NOL4: variants seen among roughly 807,000 people sequenced by gnomAD.
NOL4 encodes cancer/testis antigen 125.
A neutral mutation model predicts 75.9 loss-of-function variants in NOL4; 17 were observed. The ratio of observed to expected loss-of-function variants is 0.22; its 90% CI spans 0.15 to 0.34. The LOEUF (loss-of-function observed/expected upper bound fraction) is 0.34, where lower values mean the gene tolerates loss of function less well. Ranked by LOEUF, NOL4 falls within the 10% of genes least tolerant of loss-of-function variation. The pLI is 1.00. For synonymous variants in NOL4, 292 were observed against 289.9 expected (o/e 1.01, Z -0.07); for missense variants, 614 against 793.5 (o/e 0.77, Z 2.72).
chr18:34,091,547 T>C (rs1254965336), intron 5 of NOL4, among the ~76,000 whole-genome samples: 1 of 152,060 alleles, frequency 6.6e-6, no homozygotes, highest in Non-Finnish European at 1.5e-5. Flanking sequence ...GATCTTGGAC[T>C]CCCAGATCTT....
intron 6 of NOL4, among the ~76,000 whole-genome samples, chr18:34,004,189 A>G (rs1568200756): frequency 6.6e-6 from 1 of 152,004 alleles, no homozygotes; most frequent in African/African-American, 2.4e-5. Flanking sequence ...CCTTCCAGTT[A>G]TCCCACATTT....
chr18:34,089,162 C>T (rs989783087), intron 5 of NOL4, among the ~76,000 whole-genome samples: 9 of 151,748 alleles, frequency 5.9e-5, no homozygotes, highest in Admixed American at 5.3e-4. Flanking sequence ...ATATGGTACC[C>T]AATAAGGACA....
At chr18:34,214,456 C>A (rs1215013283) in intron 1 of NOL4, among the ~76,000 whole-genome samples, 1 of 152,128 alleles carries the variant, frequency 6.6e-6, no homozygotes, top group African/African-American at 2.4e-5. Flanking sequence ...GCCTTAGAAT[C>A]CAAATGGTTT....
At chr18:34,026,774 T>C (rs1289405422) in intron 5 of NOL4, among the ~76,000 whole-genome samples, 3 of 152,180 alleles carry the variant, frequency 2.0e-5, no homozygotes, top group Admixed American at 6.5e-5. Context: ...CTCTCTTGCA[T>C]TGAAATTAAT....
chr18:33,894,948 C>T (rs995405401), intron 9 of NOL4, among the ~76,000 whole-genome samples: 7 of 151,908 alleles, frequency 4.6e-5, no homozygotes, highest in South Asian at 2.1e-4. Flanking sequence ...ATATATACTT[C>T]GTAATAACTC....
At chr18:34,175,582 T>C (rs969291693) in intron 1 of NOL4, among the ~76,000 whole-genome samples, 7 of 152,220 alleles carry the variant, frequency 4.6e-5, no homozygotes, top group Admixed American at 2.0e-4. Flanking sequence ...CTTAAGGCAC[T>C]GTACAAGCAA....
intron 9 of NOL4, among the ~76,000 whole-genome samples, chr18:33,919,886 T>A (rs959151148): frequency 6.6e-6 from 1 of 152,194 alleles, no homozygotes; most frequent in African/African-American, 2.4e-5. Flanking sequence ...GAAAAATGAT[T>A]AAGAGCATTT....
chr18:34,160,898 G>A (rs1050817098), intron 1 of NOL4, among the ~76,000 whole-genome samples: 1 of 152,202 alleles, frequency 6.6e-6, no homozygotes. Flanking sequence ...CCTGCAGTAC[G>A]ATAAAACATT....
At chr18:34,089,864 T>A (rs2145501676) in intron 5 of NOL4, among the ~76,000 whole-genome samples, 1 of 152,234 alleles carries the variant, frequency 6.6e-6, no homozygotes, top group Non-Finnish European at 1.5e-5. Flanking sequence ...CAACACTGAG[T>A]TTGATATACA....
At chr18:34,082,043 C>T (rs191287540) in intron 5 of NOL4, among the ~76,000 whole-genome samples, 2 of 152,076 alleles carry the variant, frequency 1.3e-5, no homozygotes, top group East Asian at 3.9e-4. Flanking sequence ...AAAACATCTA[C>T]AAGTGGTTAT....
chr18:34,179,092 T>C (rs1323613658), intron 1 of NOL4, among the ~76,000 whole-genome samples: 2 of 151,478 alleles, frequency 1.3e-5, no homozygotes, highest in East Asian at 1.9e-4. Flanking sequence ...TCAAAACTAA[T>C]GAGTCAAAGA....
In NOL4 at chr18:33,851,781, G is replaced by A. The variant is rs915339594; in HGVS notation, c.*1061C>T. The A allele has an allele frequency of 6.6e-6, 1 of 152,466 alleles. No individual in the cohort carries two copies. The highest frequency in any genetic ancestry group is 2.4e-5 in the African/African-American group (1 of 41,426). 9.4% of individuals were successfully genotyped at this position (152,466 alleles called of 1,614,324 possible). ...CTGAGAGTTCCTTACATTATTTTTA[G>A]CTAGAACTGAAAATTATACAAATCA... On this transcript the variant is annotated 3_prime_UTR_variant, in exon 11 of 11. Coordinates refer to ENST00000261592, the MANE Select transcript of NOL4 (RefSeq NM_003787.5).
intron 5 of NOL4, among the ~76,000 whole-genome samples, chr18:34,043,660 C>A (rs934083019): frequency 2.6e-5 from 4 of 151,950 alleles, no homozygotes; most frequent in Non-Finnish European, 4.4e-5. Context: ...AAATCTGGGA[C>A]ATAATAGTAA....
intron 6 of NOL4, among the ~76,000 whole-genome samples, chr18:34,013,274 A>G (rs2074482803): frequency 6.6e-6 from 1 of 151,810 alleles, no homozygotes; most frequent in Non-Finnish European, 1.5e-5. Context: ...TTAATTTTCT[A>G]TATATTTCTT....
Position 34,104,179 on chromosome 18 carries a change from A to G in NOL4, c.527-20T>C, listed in dbSNP as rs781372695. On this transcript the variant is annotated intron_variant, in intron 3 of 10. Transcript: ENST00000261592. ...CATTATCTGTAATAAAACATTTTTA[A>G]TGGGTAATGAAAGTAATACTGCATT... 1.4e-6 allele frequency: 2 copies of G among 1,413,654 alleles called. No homozygotes were observed. The highest frequency in any genetic ancestry group is 1.4e-5 in the African/African-American group (1 of 70,984). The allele number at this position is 1,413,654 out of a possible 1,614,324, so 87.6% of individuals were successfully genotyped here.
chr18:34,155,117 G>A (rs537672694), intron 1 of NOL4, among the ~76,000 whole-genome samples: 28 of 151,332 alleles, frequency 1.9e-4, no homozygotes, highest in Non-Finnish European at 3.0e-4. Context: ...TCCATACTTC[G>A]AAAAAATAAA....
intron 8 of NOL4, among the ~76,000 whole-genome samples, chr18:33,955,909 T>C (rs895193725): frequency 6.6e-6 from 1 of 152,108 alleles, no homozygotes; most frequent in African/African-American, 2.4e-5. Flanking sequence ...TTTAACTAGG[T>C]ACAGTGGCAA....
chr18:34,216,886 T>G (rs973877847), intron 1 of NOL4, among the ~76,000 whole-genome samples: 2 of 152,068 alleles, frequency 1.3e-5, no homozygotes, highest in Non-Finnish European at 2.9e-5. Flanking sequence ...TCATTAAATT[T>G]TATGTATTTC....
At chr18:34,008,054 T>C (rs1192253869) in intron 6 of NOL4, among the ~76,000 whole-genome samples, 2 of 152,000 alleles carry the variant, frequency 1.3e-5, no homozygotes, top group African/African-American at 2.4e-5. Flanking sequence ...CCTTCACCAA[T>C]GTGAGTGGGC....
Sources: gnomAD v4.1 joint callset for allele counts (sites outside exome capture counted in the v4.1 genomes callset) on GRCh38, gnomAD v4.1.1 for gene constraint, MANE v1.5 for transcripts, NCBI Gene and HGNC (gene_info 2026-07-23, HGNC 2026-07-21) for gene names.